RTL4: variants seen among roughly 807,000 people sequenced by gnomAD.
RTL4 encodes retrotransposon Gag-like protein 4.
RTL4 carries 4 observed loss-of-function variants against 5.3 expected under a neutral mutation model. That is an observed-to-expected ratio of 0.75 (90% confidence interval 0.37 to 1.72). The LOEUF (loss-of-function observed/expected upper bound fraction) is 1.72. Among genes scored for constraint, RTL4 ranks in the 40% most tolerant of loss-of-function variants. RTL4 has a pLI of 0.04. For missense variants in RTL4, 260 were observed against 227.1 expected, an observed-to-expected ratio of 1.14 and a Z score of -0.93; for synonymous variants, 98 against 87.3, an observed-to-expected ratio of 1.12 and a Z score of -0.68.
At chrX:112,439,705 G>A in the RTL4 span, among the ~76,000 whole-genome samples, 4 of 111,308 alleles carry the variant, frequency 3.6e-5, no homozygotes, top group Non-Finnish European at 7.5e-5. Context: ...TTGCCCTCTG[G>A]ATAATGAGTG....
the RTL4 span, among the ~76,000 whole-genome samples, chrX:112,366,962 A>G: frequency 2.7e-5 from 3 of 111,538 alleles, no homozygotes; most frequent in African/African-American, 9.8e-5. Context: ...TACAGGGATA[A>G]TAAATGATAG....
At chrX:112,104,761 T>A in the RTL4 span, among the ~76,000 whole-genome samples, 2 of 111,898 alleles carry the variant, frequency 1.8e-5, no homozygotes, top group African/African-American at 6.5e-5. Flanking sequence ...TTCTTACTAT[T>A]GAGTTGTTTG....
chrX:112,382,393 G>T, the RTL4 span, among the ~76,000 whole-genome samples: 1 of 110,775 alleles, frequency 9.0e-6, no homozygotes, highest in Non-Finnish European at 1.9e-5. Context: ...CTAGATATTT[G>T]GTAACCAGCT....
At chrX:112,139,279 C>T in the RTL4 span, among the ~76,000 whole-genome samples, 1 of 111,486 alleles carries the variant, frequency 9.0e-6, no homozygotes, top group Admixed American at 9.6e-5. Context: ...GATTTCTCCA[C>T]TGTAAACTTG....
chrX:112,139,416 C>T, the RTL4 span, among the ~76,000 whole-genome samples: 1 of 111,840 alleles, frequency 8.9e-6, no homozygotes, highest in South Asian at 3.7e-4. Flanking sequence ...ATTGTGGGTA[C>T]ATGTTAAAAC....
the RTL4 span, among the ~76,000 whole-genome samples, chrX:112,150,095 T>C: frequency 9.0e-6 from 1 of 111,192 alleles, no homozygotes. Flanking sequence ...GCCAGTGTGG[T>C]GGGAGCAGCA....
chrX:112,120,503 C>G, the RTL4 span, among the ~76,000 whole-genome samples: 8 of 110,163 alleles, frequency 7.3e-5, no homozygotes. Context: ...GTCTCGATCT[C>G]CTGACCTCGT....
the RTL4 span, among the ~76,000 whole-genome samples, chrX:112,088,323 C>A: frequency 9.0e-6 from 1 of 110,512 alleles, no homozygotes; most frequent in African/African-American, 3.3e-5. Context: ...CCTTTTGGGT[C>A]TGGCTTCTTT....
the RTL4 span, among the ~76,000 whole-genome samples, chrX:112,149,706 T>A: frequency 1.2e-4 from 13 of 112,371 alleles, no homozygotes; most frequent in Admixed American, 1.1e-3. Flanking sequence ...GTGCTAGGCA[T>A]TGTGCTAGGT....
chrX:112,414,285 G>T, the RTL4 span, among the ~76,000 whole-genome samples: 1 of 111,117 alleles, frequency 9.0e-6, no homozygotes, highest in East Asian at 2.8e-4. Flanking sequence ...TTCTCAGCTT[G>T]TTATTTGTCT....
the RTL4 span, among the ~76,000 whole-genome samples, chrX:112,253,678 C>G: frequency 3.6e-5 from 4 of 112,025 alleles, no homozygotes; most frequent in Non-Finnish European, 7.5e-5. Flanking sequence ...GACAGCCTAA[C>G]TCTTAACGAA....
the RTL4 span, among the ~76,000 whole-genome samples, chrX:112,324,843 T>C: frequency 4.5e-5 from 5 of 112,029 alleles, no homozygotes; most frequent in Non-Finnish European, 7.5e-5. Flanking sequence ...AAGTACTGTT[T>C]CATAGATGTC....
the RTL4 span, among the ~76,000 whole-genome samples, chrX:112,087,371 A>G: frequency 1.0e-5 from 1 of 96,069 alleles, no homozygotes; most frequent in Non-Finnish European, 2.1e-5. Flanking sequence ...AAAGGGCTCT[A>G]TCTCTTTAAT....
At chrX:112,309,986 A>G in the RTL4 span, among the ~76,000 whole-genome samples, 1 of 103,944 alleles carries the variant, frequency 9.6e-6, no homozygotes. Context: ...GCTTGGGAGG[A>G]GGAGGTTGCA....
At chrX:112,231,577 G>C in the RTL4 span, among the ~76,000 whole-genome samples, 1 of 73,436 alleles carries the variant, frequency 1.4e-5, no homozygotes, top group Non-Finnish European at 2.5e-5. Flanking sequence ...GTTGTGGGGT[G>C]GGGGGAGGGG....
the RTL4 span, among the ~76,000 whole-genome samples, chrX:112,321,007 T>G: frequency 9.0e-6 from 1 of 111,405 alleles, no homozygotes; most frequent in Admixed American, 9.6e-5. Context: ...AAGGTAGCTA[T>G]CAAAACAACA....
chrX:112,331,988 T>G, the RTL4 span, among the ~76,000 whole-genome samples: 2 of 89,335 alleles, frequency 2.2e-5, no homozygotes, highest in African/African-American at 8.8e-5. Flanking sequence ...AAGGGGAACA[T>G]CACACTCTGG....
chrX:112,101,383 CT>C, the RTL4 span, among the ~76,000 whole-genome samples: 1 of 111,281 alleles, frequency 9.0e-6, no homozygotes. Context: ...ATCTCCAGTG[CT>C]TTATTCAAAG....
At chrX:112,425,271 T>G in the RTL4 span, among the ~76,000 whole-genome samples, 2 of 111,758 alleles carry the variant, frequency 1.8e-5, no homozygotes, top group Non-Finnish European at 3.8e-5. Context: ...GCTCATTTCT[T>G]TTAGTGCTGA....
Sources: allele counts gnomAD v4.1 joint callset (sites outside exome capture counted in the v4.1 genomes callset), GRCh38; gene constraint gnomAD v4.1.1; transcripts MANE v1.5; gene names NCBI Gene and HGNC (gene_info 2026-07-23, HGNC 2026-07-21).